Variants in DCAF8L2 observed in about 807,000 individuals in gnomAD.
DCAF8L2 encodes the protein DDB1- and CUL4-associated factor 8-like protein 2.
For synonymous variants in DCAF8L2, 200 were observed against 190.9 expected (o/e 1.05, Z -0.39); for missense variants, 430 against 490.7 (o/e 0.88, Z 1.17).
intron 2 of DCAF8L2, among the ~76,000 whole-genome samples, chrX:27,658,524 T>C (rs5971424): frequency 0.28 from 31,321 of 111,124 alleles, 4,078 homozygotes; most frequent in African/African-American, 0.51. Context: ...AAAAATTGTA[T>C]TGAATCTCAC....
chrX:27,662,374 T>G (rs1012062029), intron 2 of DCAF8L2, among the ~76,000 whole-genome samples: 1 of 111,836 alleles, frequency 8.9e-6, no homozygotes, highest in Non-Finnish European at 1.9e-5. Flanking sequence ...TTTTTCCATT[T>G]TTTCTAAATA....
chrX:27,537,141 T>C, the DCAF8L2 span, among the ~76,000 whole-genome samples: 1 of 111,868 alleles, frequency 8.9e-6, no homozygotes, highest in African/African-American at 3.2e-5. Context: ...AAAAATGAAT[T>C]TACAGTAAGA....
At chrX:27,547,822 T>G in the DCAF8L2 span, among the ~76,000 whole-genome samples, 1 of 94,213 alleles carries the variant, frequency 1.1e-5, no homozygotes, top group African/African-American at 4.2e-5. Context: ...CCCCATTTGC[T>G]CTCTCTCTCT....
intron 1 of DCAF8L2, among the ~76,000 whole-genome samples, chrX:27,598,762 C>T (rs756676255): frequency 4.5e-5 from 5 of 110,265 alleles, no homozygotes; most frequent in African/African-American, 1.6e-4. Context: ...CTTAACTCTG[C>T]TCGGTATCTC....
At chrX:27,711,558 T>C (rs1931535619) in intron 3 of DCAF8L2, among the ~76,000 whole-genome samples, 1 of 110,037 alleles carries the variant, frequency 9.1e-6, no homozygotes, top group Non-Finnish European at 1.9e-5. Flanking sequence ...GCAACCACTT[T>C]ACTATTTATA....
the DCAF8L2 span, among the ~76,000 whole-genome samples, chrX:27,541,937 C>A: frequency 9.0e-6 from 1 of 111,646 alleles, no homozygotes; most frequent in Non-Finnish European, 1.9e-5. Flanking sequence ...CAAATGAGAA[C>A]ATGTGGTATT....
At chrX:27,636,778 G>GA (rs151036596) in intron 2 of DCAF8L2, among the ~76,000 whole-genome samples, 13 of 111,650 alleles carry the variant, frequency 1.2e-4, no homozygotes, top group Non-Finnish European at 2.1e-4. Flanking sequence ...TAATGTTGCA[G>GA]AAAAAAAATC....
the DCAF8L2 span, among the ~76,000 whole-genome samples, chrX:27,556,415 A>G: frequency 3.6e-5 from 4 of 111,498 alleles, no homozygotes; most frequent in East Asian, 1.1e-3. Context: ...TTATATTATA[A>G]TAGTGTTAAA....
At chrX:27,726,201 C>T (rs953057363) in intron 4 of DCAF8L2, among the ~76,000 whole-genome samples, 2 of 111,198 alleles carry the variant, frequency 1.8e-5, no homozygotes, top group African/African-American at 3.3e-5. Flanking sequence ...GATTATTTTC[C>T]CCCCTCTCAG....
chrX:27,525,351 A>ACTC, the DCAF8L2 span, among the ~76,000 whole-genome samples: 1 of 110,372 alleles, frequency 9.1e-6, no homozygotes, highest in East Asian at 2.9e-4. Flanking sequence ...TAGGATTGCA[A>ACTC]CTCCTGCCTT....
At chrX:27,595,552 C>T (rs999244145) in intron 1 of DCAF8L2, among the ~76,000 whole-genome samples, 8 of 112,054 alleles carry the variant, frequency 7.1e-5, no homozygotes, top group African/African-American at 2.6e-4. Flanking sequence ...CATTCATTTC[C>T]TGTCATAACT....
chrX:27,720,571 C>T (rs1204699194), intron 4 of DCAF8L2, among the ~76,000 whole-genome samples: 1 of 110,869 alleles, frequency 9.0e-6, no homozygotes, highest in African/African-American at 3.3e-5. Flanking sequence ...GACGGGGTTT[C>T]ACCTTGTTAG....
intron 1 of DCAF8L2, among the ~76,000 whole-genome samples, chrX:27,618,881 G>GT (rs199676900): frequency 8.7e-4 from 95 of 109,377 alleles, no homozygotes; most frequent in Admixed American, 2.3e-3. Flanking sequence ...AAAAGGTTTA[G>GT]TTTTTTTTTA....
the DCAF8L2 span, among the ~76,000 whole-genome samples, chrX:27,491,675 A>C: frequency 0.19 from 20,595 of 111,245 alleles, 1,643 homozygotes; most frequent in East Asian, 0.36. Flanking sequence ...TTGACTTCTA[A>C]CAAAACACTC....
intron 1 of DCAF8L2, among the ~76,000 whole-genome samples, chrX:27,626,597 A>T (rs1928018985): frequency 8.9e-6 from 1 of 112,241 alleles, no homozygotes; most frequent in South Asian, 3.7e-4. Flanking sequence ...TACCTAAAGT[A>T]TCTAAACAGA....
At chrX:27,596,630 T>G (rs1452542756) in intron 1 of DCAF8L2, among the ~76,000 whole-genome samples, 1 of 111,444 alleles carries the variant, frequency 9.0e-6, no homozygotes, top group African/African-American at 3.3e-5. Flanking sequence ...AGTCATAGAA[T>G]TATCTCTGAT....
the DCAF8L2 span, among the ~76,000 whole-genome samples, chrX:27,575,009 C>T: frequency 5.4e-5 from 6 of 111,708 alleles, no homozygotes; most frequent in East Asian, 2.8e-4. Context: ...CCGGATGAAT[C>T]GGATCACGCG....
At chrX:27,485,686 A>AATG in the DCAF8L2 span, among the ~76,000 whole-genome samples, 2 of 111,309 alleles carry the variant, frequency 1.8e-5, no homozygotes, top group African/African-American at 6.5e-5. Context: ...AATTTTAGGC[A>AATG]ATGTTAAATC....
At chrX:27,543,167 G>A in the DCAF8L2 span, among the ~76,000 whole-genome samples, 1 of 112,023 alleles carries the variant, frequency 8.9e-6, no homozygotes. Flanking sequence ...TTTGTATATG[G>A]TGAAAGGAAG....
Sources: allele counts gnomAD v4.1 joint callset (sites outside exome capture counted in the v4.1 genomes callset), GRCh38; gene constraint gnomAD v4.1.1; transcripts MANE v1.5; gene names NCBI Gene and HGNC (gene_info 2026-07-23, HGNC 2026-07-21).